Variants in CUX1 observed in about 807,000 individuals in gnomAD.
CUX1 encodes protein CASP.
CUX1 carries 31 observed loss-of-function variants against 158.8 expected under a neutral mutation model. The observed-to-expected ratio is 0.20, with a 90% CI of 0.15 to 0.26. The LOEUF (loss-of-function observed/expected upper bound fraction) is 0.26, where lower values mean the gene tolerates loss of function less well. Ranked by LOEUF, CUX1 falls within the 10% of genes least tolerant of loss-of-function variation. The pLI, the probability that CUX1 is intolerant of heterozygous loss-of-function variation, is 1.00. For synonymous variants in CUX1, 879 were observed against 862.1 expected (o/e 1.02, Z -0.34); for missense variants, 1,589 against 2,014.6 (o/e 0.79, Z 4.04).
chr7:101,913,690 C>T (rs1254522247), intron 1 of CUX1, among the ~76,000 whole-genome samples: 1 of 152,124 alleles, frequency 6.6e-6, no homozygotes, highest in Admixed American at 6.5e-5. Context: ...GGTAGATGCC[C>T]ACCGATTGGG....
At chr7:102,157,673 G>A (rs963992362) in intron 8 of CUX1, among the ~76,000 whole-genome samples, 3 of 152,074 alleles carry the variant, frequency 2.0e-5, no homozygotes, top group South Asian at 2.1e-4. Context: ...TCAGCTACTC[G>A]GGAGGCTGAG....
At chr7:101,968,091 G>A (rs1327364916) in intron 2 of CUX1, among the ~76,000 whole-genome samples, 2 of 152,152 alleles carry the variant, frequency 1.3e-5, no homozygotes, top group Admixed American at 1.3e-4. Context: ...TTTTTGTACA[G>A]AGGAGGTCTC....
At chr7:101,853,173 C>T (rs377102710) in intron 1 of CUX1, among the ~76,000 whole-genome samples, 1 of 152,130 alleles carries the variant, frequency 6.6e-6, no homozygotes, top group Non-Finnish European at 1.5e-5. Context: ...TTCCCTGCCC[C>T]CTCTCTGGGA....
intron 2 of CUX1, among the ~76,000 whole-genome samples, chr7:101,989,121 C>T (rs1047497915): frequency 1.3e-5 from 2 of 152,138 alleles, no homozygotes; most frequent in Non-Finnish European, 2.9e-5. Flanking sequence ...AGGGGCCTGC[C>T]CCTCCATGAA....
At chr7:102,128,873 G>A (rs1238264388) in intron 8 of CUX1, among the ~76,000 whole-genome samples, 5 of 152,030 alleles carry the variant, frequency 3.3e-5, no homozygotes, top group African/African-American at 9.7e-5. Flanking sequence ...AGCTACTCGG[G>A]AGGCTGAAGT....
chr7:102,178,370 T>G, intron 10 of CUX1, 99 bp from the exon 11 acceptor site: 1 of 1,177,424 alleles, frequency 8.5e-7, no homozygotes, highest in Non-Finnish European at 1.2e-6. Flanking sequence ...ATCCACACAC[T>G]GACATCTGTG....
At position 102,174,864 on chromosome 7, in the gene CUX1, C is replaced by T. The variant is rs148353445; in HGVS notation, c.829-3605C>T. On this transcript the variant is annotated intron_variant, in intron 10 of 23. Coordinates refer to ENST00000292535, the MANE Select transcript of CUX1 (RefSeq NM_181552.4). Reference sequence around the variant, plus strand: ...ACTCAGGAGGCTGAGACAGGAGAATCGCTTGAACCTGGGAGGGGGAGGTTG... The same window carrying T: ...ACTCAGGAGGCTGAGACAGGAGAATTGCTTGAACCTGGGAGGGGGAGGTTG... Among the ~76,000 whole-genome samples, 450 of 152,250 alleles carry T rather than the reference C, an allele frequency of 3.0e-3. 4 individuals are homozygous for T. The highest frequency in any genetic ancestry group is 5.0e-3 in the Non-Finnish European group (341 of 68,006).
chr7:101,955,941 T>C (rs1387982097), intron 2 of CUX1, among the ~76,000 whole-genome samples: 2 of 151,782 alleles, frequency 1.3e-5, no homozygotes, highest in African/African-American at 4.8e-5. Context: ...CCTAGCACTT[T>C]GGGAGGCCAA....
chr7:101,947,670 T>C (rs1808563337), intron 2 of CUX1, among the ~76,000 whole-genome samples: 1 of 152,206 alleles, frequency 6.6e-6, no homozygotes, highest in African/African-American at 2.4e-5. Flanking sequence ...AGTGAAATAA[T>C]TGTCTCAGTC....
chr7:102,045,174 TA>T (rs1359498584), intron 3 of CUX1, among the ~76,000 whole-genome samples: 2 of 152,246 alleles, frequency 1.3e-5, no homozygotes, highest in East Asian at 3.8e-4. Flanking sequence ...GCCAGCTGCA[TA>T]ATTGAAAGCA....
intron 9 of CUX1, among the ~76,000 whole-genome samples, chr7:102,159,945 C>T (rs1585973358): frequency 6.6e-6 from 1 of 152,228 alleles, no homozygotes; most frequent in African/African-American, 2.4e-5. Context: ...CCTGGGGAGG[C>T]CGAGATGGGT....
chr7:101,975,264 AAGAG>A (rs58160469), intron 2 of CUX1, among the ~76,000 whole-genome samples: 12,091 of 151,304 alleles, frequency 0.08, 1,567 homozygotes, highest in African/African-American at 0.27. Context: ...AGGAAAAAAA[AAGAG>A]AGAGAGAGAG....
chr7:102,126,146 T>A (rs1554495162), intron 8 of CUX1, among the ~76,000 whole-genome samples: 4 of 151,656 alleles, frequency 2.6e-5, no homozygotes, highest in Admixed American at 2.0e-4. Context: ...CCCGAGTACC[T>A]GGGACTACAA....
intron 3 of CUX1, among the ~76,000 whole-genome samples, chr7:102,039,490 C>CA (rs971739528): frequency 2.0e-5 from 3 of 151,752 alleles, no homozygotes; most frequent in East Asian, 1.9e-4. Flanking sequence ...TCCATCTCTA[C>CA]AAAAAAATGC....
At chr7:102,178,301 G>A in intron 10 of CUX1, among the ~76,000 whole-genome samples, 168 bp from the exon 11 acceptor site, 1 of 152,210 alleles carries the variant, frequency 6.6e-6, no homozygotes, top group African/African-American at 2.4e-5. Context: ...ACCACAGGGG[G>A]AGGAAGGTTG....
intron 3 of CUX1, among the ~76,000 whole-genome samples, chr7:102,069,137 A>T (rs1248514332): frequency 6.6e-6 from 1 of 152,060 alleles, no homozygotes; most frequent in Non-Finnish European, 1.5e-5. Flanking sequence ...ACCACTGCCC[A>T]GCGCATCTCA....
chr7:101,957,134 C>T (rs1809877103), intron 2 of CUX1, among the ~76,000 whole-genome samples: 1 of 152,090 alleles, frequency 6.6e-6, no homozygotes, highest in Admixed American at 6.5e-5. Context: ...AGAATATTTA[C>T]TAACACAGAA....
intron 4 of CUX1, among the ~76,000 whole-genome samples, chr7:102,082,880 T>C (rs2130765114): frequency 6.8e-6 from 1 of 147,704 alleles, no homozygotes; most frequent in East Asian, 1.9e-4. Context: ...TGGTTGGTTG[T>C]GGGTATTATG....
intron 8 of CUX1, among the ~76,000 whole-genome samples, chr7:102,151,632 G>A (rs1554503619): frequency 6.7e-6 from 1 of 149,504 alleles, no homozygotes; most frequent in Non-Finnish European, 1.5e-5. Flanking sequence ...AGAGGCTAAG[G>A]CAGGAGAGTC....
Sources: gnomAD v4.1 joint callset for allele counts (sites outside exome capture counted in the v4.1 genomes callset) on GRCh38, gnomAD v4.1.1 for gene constraint, MANE v1.5 for transcripts, NCBI Gene and HGNC (gene_info 2026-07-23, HGNC 2026-07-21) for gene names.